Variants in KLRG2 observed in about 807,000 individuals in gnomAD.
The protein encoded by KLRG2 is killer cell lectin like receptor G2, also known as killer cell lectin-like receptor subfamily G member 2.
In KLRG2, 39 loss-of-function variants were observed where a neutral mutation model predicts 35.4. That is an observed-to-expected ratio of 1.10 (90% CI 0.85 to 1.44). The LOEUF is 1.44. Among genes scored for constraint, KLRG2 ranks in the 40% most tolerant of loss-of-function variants. KLRG2 has a pLI of 0.00. For synonymous variants in KLRG2, 283 were observed against 265.8 expected (o/e 1.06, Z -0.63); for missense variants, 632 against 570.9 (o/e 1.11, Z -1.09).
intron 3 of KLRG2, among the ~76,000 whole-genome samples, chr7:139,478,651 C>G (rs1796898693): frequency 6.6e-6 from 1 of 152,168 alleles, no homozygotes; most frequent in African/African-American, 2.4e-5. Flanking sequence ...GCCTGGGCAA[C>G]AGAGTGAGAC....
chr7:139,433,513 A>T, the KLRG2 span, among the ~76,000 whole-genome samples: 1 of 151,860 alleles, frequency 6.6e-6, no homozygotes, highest in East Asian at 1.9e-4. Flanking sequence ...TTTAGTAGAG[A>T]CGGGGTTTCT....
the KLRG2 span, among the ~76,000 whole-genome samples, chr7:139,434,718 A>G: frequency 7.9e-5 from 12 of 152,212 alleles, no homozygotes; most frequent in Non-Finnish European, 1.5e-4. Context: ...AAGAATCCGA[A>G]GTGTGCTTGG....
Position 139,463,818 on chromosome 7 carries a change from T to C in KLRG2, c.1006-9604A>G, listed in dbSNP as rs150369072. Among the ~76,000 whole-genome samples, 154 of 152,288 alleles carry C rather than the reference T, an allele frequency of 1.0e-3. 1 individual carries two copies. In the East Asian group the frequency reaches 0.025, roughly 25 times the overall value. ...CCTGGACCATCACAGATGCTTTGGG[T>C]AACTCTTATAGAGTGAAGGGTAAGT... On this transcript the variant is annotated intron_variant, in intron 3 of 4. Transcript: ENST00000340940.
intron 3 of KLRG2, among the ~76,000 whole-genome samples, chr7:139,462,687 C>T (rs1398676192): frequency 6.6e-6 from 1 of 152,146 alleles, no homozygotes. Flanking sequence ...TCGATTTCTC[C>T]ATCCTACAAG....
intron 3 of KLRG2, among the ~76,000 whole-genome samples, chr7:139,472,152 T>C (rs1796768456): frequency 6.6e-6 from 1 of 152,230 alleles, no homozygotes; most frequent in Non-Finnish European, 1.5e-5. Context: ...TAACTTTGAT[T>C]CCAGGTAGGG....
At position 139,483,628 on chromosome 7, in the gene KLRG2, C is replaced by A. The variant is rs917502335; in HGVS notation, c.15G>T (p.Trp5Cys). The change falls in exon 1 of 5, where the codon TGG (tryptophan) becomes TGT (cysteine). Residue 5 changes from tryptophan to cysteine, a missense_variant. By Grantham distance (215) the Trp-to-Cys change is radical. Coordinates refer to ENST00000340940, the MANE Select transcript of KLRG2 (RefSeq NM_198508.4). MEESWEAAPGGQAGA... is the reference protein window; with the variant it reads MEESCEAAPGGQAGA... ...CGGCTTGGCCTCCGGGCGCAGCCTCCCAAGACTCCTCCATCCCGCGCGCCC... is the reference window on the plus strand; with the variant it reads ...CGGCTTGGCCTCCGGGCGCAGCCTCACAAGACTCCTCCATCCCGCGCGCCC... 6.4e-6 allele frequency: 10 copies of A among 1,558,548 alleles called. No homozygotes were observed. In the Admixed American group the frequency reaches 1.5e-4, roughly 23 times the overall value.
At chr7:139,480,439 CTT>C (rs892455272) in intron 1 of KLRG2, among the ~76,000 whole-genome samples, 192 bp from the exon 2 acceptor site, 6 of 85,224 alleles carry the variant, frequency 7.0e-5, no homozygotes, top group South Asian at 4.5e-4. Flanking sequence ...GCCAGATATT[CTT>C]TTTTTTTTTT....
At chr7:139,430,690 G>A in the KLRG2 span, among the ~76,000 whole-genome samples, 1 of 152,224 alleles carries the variant, frequency 6.6e-6, no homozygotes, top group Admixed American at 6.5e-5. Context: ...GTATTCATAA[G>A]AGCGGAAATA....
rs1796406069 is a variant in KLRG2 at position 139,453,560 on chromosome 7, C to G, written c.*27G>C. ...TGTAGGGGGTGCTGCATCTGCCTGGCAGGCTGAGGACCAGGCAGAGCCCAG... is the reference window on the plus strand; with the variant it reads ...TGTAGGGGGTGCTGCATCTGCCTGGGAGGCTGAGGACCAGGCAGAGCCCAG... On this transcript the variant is annotated 3_prime_UTR_variant, in exon 5 of 5. Coordinates refer to ENST00000340940, the MANE Select transcript of KLRG2 (RefSeq NM_198508.4). The G allele has an allele frequency of 8.9e-6, 14 of 1,571,932 alleles. No individual in the cohort carries two copies. The highest frequency in any genetic ancestry group is 1.2e-5 in the Non-Finnish European group (14 of 1,158,878).
At chr7:139,466,769 G>T (rs980462467) in intron 3 of KLRG2, among the ~76,000 whole-genome samples, 1 of 128,172 alleles carries the variant, frequency 7.8e-6, no homozygotes, top group East Asian at 2.7e-4. Context: ...AAAGGGGGGG[G>T]TACTCTGTAT....
chr7:139,455,782 T>C (rs1048701717), intron 3 of KLRG2, among the ~76,000 whole-genome samples: 1 of 152,140 alleles, frequency 6.6e-6, no homozygotes, highest in African/African-American at 2.4e-5. Context: ...CCTGCTCAAA[T>C]GGGTGATTTC....
chr7:139,438,322 C>T, the KLRG2 span, among the ~76,000 whole-genome samples: 1 of 152,274 alleles, frequency 6.6e-6, no homozygotes, highest in South Asian at 2.1e-4. Context: ...GCCTTGAACT[C>T]CTGGGCTCAA....
chr7:139,435,599 C>G, the KLRG2 span, among the ~76,000 whole-genome samples: 5 of 152,038 alleles, frequency 3.3e-5, no homozygotes, highest in Non-Finnish European at 7.4e-5. Flanking sequence ...CCTGGCCTCT[C>G]CCAATCCTCT....
chr7:139,468,861 T>C, intron 3 of KLRG2, among the ~76,000 whole-genome samples: 1 of 152,180 alleles, frequency 6.6e-6, no homozygotes, highest in East Asian at 1.9e-4. Flanking sequence ...AAACATTAAA[T>C]GCACATAACG....
chr7:139,451,966 C>CTTT (rs58186917), downstream of KLRG2, among the ~76,000 whole-genome samples: 119 of 117,202 alleles, frequency 1.0e-3, no homozygotes, highest in African/African-American at 3.5e-3. Context: ...TTTCCATGTC[C>CTTT]TTTTTTTTTT....
intron 3 of KLRG2, among the ~76,000 whole-genome samples, chr7:139,475,550 C>G (rs1163514261): frequency 6.6e-6 from 1 of 150,522 alleles, no homozygotes; most frequent in Non-Finnish European, 1.5e-5. Flanking sequence ...AAAAAGAACT[C>G]GTCCCCGTGC....
the KLRG2 span, among the ~76,000 whole-genome samples, chr7:139,446,700 A>C: frequency 6.6e-6 from 1 of 151,698 alleles, no homozygotes; most frequent in African/African-American, 2.4e-5. Flanking sequence ...TCCTCCTTCA[A>C]AGCCAGAATG....
intron 3 of KLRG2, among the ~76,000 whole-genome samples, chr7:139,475,580 C>T (rs1010278615): frequency 2.6e-5 from 4 of 151,762 alleles, no homozygotes; most frequent in African/African-American, 9.7e-5. Flanking sequence ...GGCGGCACAC[C>T]CCACCCAGCT....
the KLRG2 span, among the ~76,000 whole-genome samples, chr7:139,438,256 G>A: frequency 6.6e-6 from 1 of 152,124 alleles, no homozygotes; most frequent in Non-Finnish European, 1.5e-5. Flanking sequence ...TGAGATGGAG[G>A]TGTCTCACTT....
Sources: allele counts gnomAD v4.1 joint callset (sites outside exome capture counted in the v4.1 genomes callset), GRCh38; gene constraint gnomAD v4.1.1; transcripts MANE v1.5; gene names NCBI Gene and HGNC (gene_info 2026-07-23, HGNC 2026-07-21).